CHN1: variants seen among roughly 807,000 people sequenced by gnomAD.
CHN1 encodes the protein chimerin 1.
In CHN1, 37 loss-of-function variants were observed where a neutral mutation model predicts 59.5. The observed-to-expected ratio is 0.62, with a 90% CI of 0.48 to 0.82. The LOEUF (loss-of-function observed/expected upper bound fraction) is 0.82. Among genes scored for constraint, CHN1 ranks in the 40% least tolerant of loss-of-function variants. The pLI, the probability that CHN1 is intolerant of heterozygous loss-of-function variation, is 0.00. For missense variants in CHN1, 469 were observed against 571.0 expected (o/e 0.82, Z 1.82); for synonymous variants, 206 against 200.4 (o/e 1.03, Z -0.24).
intron 1 of CHN1, among the ~76,000 whole-genome samples, chr2:174,961,264 G>T (rs1690398076): frequency 6.6e-6 from 1 of 151,642 alleles, no homozygotes; most frequent in East Asian, 2.0e-4. Context: ...GCAGAAACTT[G>T]AATCATATTT....
At chr2:174,881,530 A>C (rs921601866) in intron 5 of CHN1, among the ~76,000 whole-genome samples, 2 of 152,184 alleles carry the variant, frequency 1.3e-5, no homozygotes, top group African/African-American at 4.8e-5. Flanking sequence ...GTCAAAGCTA[A>C]ATATATATAG....
Position 174,898,590 on chromosome 2 carries a change from C to A in CHN1, c.260+16468G>T, listed in dbSNP as rs568921743. On this transcript the variant is annotated intron_variant, in intron 5 of 12. Transcript: ENST00000409900. ...CTGCACTCCAGCCTGGGCGACAGAG[C>A]GAGACTCCGTCTCAAAAAAACAAAG... is the stretch of plus-strand genomic sequence containing the variant. Among the ~76,000 whole-genome samples the A allele has an allele frequency of 6.6e-5, 10 of 152,198 alleles. No individual in the cohort carries two copies. In the South Asian group the frequency reaches 1.9e-3, roughly 28 times the overall value.
intron 6 of CHN1, among the ~76,000 whole-genome samples, chr2:174,866,447 G>GA (rs1687217948): frequency 6.6e-6 from 1 of 151,914 alleles, no homozygotes; most frequent in African/African-American, 2.4e-5. Flanking sequence ...ATAAAACACA[G>GA]AAAAAACCCA....
chr2:174,997,912 GGGA>G (rs571102364), intron 1 of CHN1, among the ~76,000 whole-genome samples: 184 of 150,702 alleles, frequency 1.2e-3, no homozygotes, highest in Non-Finnish European at 1.8e-3. Context: ...GCTCAAATCC[GGGA>G]GGCAGAGGTT....
At chr2:174,862,161 C>A (rs962358578) in intron 6 of CHN1, among the ~76,000 whole-genome samples, 17 of 152,028 alleles carry the variant, frequency 1.1e-4, no homozygotes, top group African/African-American at 3.9e-4. Flanking sequence ...CCTAAAATAT[C>A]TCCTCCTGCA....
chr2:174,893,233 C>A (rs959078947), intron 5 of CHN1, among the ~76,000 whole-genome samples: 2 of 152,120 alleles, frequency 1.3e-5, no homozygotes, highest in Non-Finnish European at 2.9e-5. Flanking sequence ...AAAGACTCCA[C>A]AAGAAAACTA....
rs368460662 is a variant in CHN1, at chr2:174,819,973, G to A, written c.712+4461C>T. On this transcript the variant is annotated intron_variant, in intron 8 of 12. Transcript: ENST00000409900. ...AATGATGATTTCCAATTTCATCCAT[G>A]TCCCTACAAAGGACATGAACTCATT... Among the ~76,000 whole-genome samples, 281 of 151,696 alleles carry A rather than the reference G, an allele frequency of 1.9e-3. 10 individuals carry two copies. In the East Asian group the frequency reaches 0.049, roughly 27 times the overall value.
intron 7 of CHN1, among the ~76,000 whole-genome samples, chr2:174,827,791 C>T (rs1028561925): frequency 6.6e-6 from 1 of 152,058 alleles, no homozygotes; most frequent in Non-Finnish European, 1.5e-5. Flanking sequence ...GAAACAGAGG[C>T]AACGGAGAGG....
intron 6 of CHN1, among the ~76,000 whole-genome samples, chr2:174,856,651 G>C (rs1012409139): frequency 6.6e-6 from 1 of 152,172 alleles, no homozygotes; most frequent in Non-Finnish European, 1.5e-5. Context: ...GGGGTGGAAT[G>C]GCACACAGCC....
At position 175,005,254 on chromosome 2, in the gene CHN1, GCGC is replaced by G. The variant is rs1692030603; in HGVS notation, c.-345_-343del. 2.5e-6 allele frequency: 3 copies of G among 1,176,948 alleles called. No homozygotes were observed. The highest frequency in any genetic ancestry group is 3.5e-4 in the Middle Eastern group (1 of 2,832). 72.9% of individuals were successfully genotyped at this position (1,176,948 alleles called of 1,614,324 possible). Reference sequence around the variant, plus strand: ...CGGCGCAGTGGCTGGCGGAGAGGCGGCGCCGCACTGGCGGCGGCGGCGGCGGCG... The same window carrying G: ...CGGCGCAGTGGCTGGCGGAGAGGCGGCGCACTGGCGGCGGCGGCGGCGGCG... On this transcript the variant is annotated 5_prime_UTR_variant, in exon 1 of 13. Coordinates refer to ENST00000409900, the MANE Select transcript of CHN1 (RefSeq NM_001822.7).
chr2:174,957,375 A>G (rs953559658), intron 1 of CHN1, among the ~76,000 whole-genome samples: 1 of 142,474 alleles, frequency 7.0e-6, no homozygotes, highest in Non-Finnish European at 1.5e-5. Context: ...GGCAGGTCAT[A>G]TGACTCAAAT....
chr2:174,880,288 T>A (rs1362771915), intron 5 of CHN1, among the ~76,000 whole-genome samples: 2 of 152,236 alleles, frequency 1.3e-5, no homozygotes, highest in Admixed American at 6.5e-5. Context: ...TTATGATTGA[T>A]CTTTTTAAAG....
intron 7 of CHN1, among the ~76,000 whole-genome samples, chr2:174,827,481 C>T (rs968670284): frequency 1.3e-5 from 2 of 152,170 alleles, no homozygotes; most frequent in African/African-American, 4.8e-5. Context: ...CAAGGAAGTT[C>T]AGTCTGGGTG....
chr2:174,842,247 G>A (rs935017013), intron 7 of CHN1, among the ~76,000 whole-genome samples: 3 of 152,190 alleles, frequency 2.0e-5, no homozygotes, highest in Non-Finnish European at 4.4e-5. Context: ...AGGCAAGGTG[G>A]TGGTGTGAGG....
chr2:174,991,616 A>T (rs1457974880), intron 1 of CHN1, among the ~76,000 whole-genome samples: 1 of 152,256 alleles, frequency 6.6e-6, no homozygotes, highest in Non-Finnish European at 1.5e-5. Context: ...GACATGAAAC[A>T]ATACTGCAGG....
At chr2:174,870,626 G>C (rs1687378359) in intron 6 of CHN1, among the ~76,000 whole-genome samples, 2 of 152,166 alleles carry the variant, frequency 1.3e-5, no homozygotes, top group African/African-American at 4.8e-5. Context: ...TGAGCAACAT[G>C]GCCAAGACCA....
intron 4 of CHN1, 119 bp downstream of exon 4, chr2:174,918,415 A>G: frequency 1.5e-6 from 1 of 673,366 alleles, no homozygotes; most frequent in Non-Finnish European, 2.3e-6. Flanking sequence ...TTTTTAAGAA[A>G]TAAATGCAAC....
intron 8 of CHN1, 64 bp downstream of exon 8, chr2:174,824,370 C>G: frequency 9.6e-6 from 12 of 1,253,644 alleles, no homozygotes; most frequent in Non-Finnish European, 1.2e-5. Flanking sequence ...AACAAGTCTC[C>G]TTCTACCTCA....
rs1331006988 is a variant in CHN1 at position 174,952,217 on chromosome 2, A to T, written c.20-15T>A. Reference sequence around the variant, plus strand: ...TTCATCTGTATCTGAAAGAAAAAACATCAAATTAACATTACTGAATATTTA... The same window carrying T: ...TTCATCTGTATCTGAAAGAAAAAACTTCAAATTAACATTACTGAATATTTA... On this transcript the variant is annotated splice_polypyrimidine_tract_variant and intron_variant, in intron 1 of 12. Coordinates refer to ENST00000409900, the MANE Select transcript of CHN1 (RefSeq NM_001822.7). 8 of 1,375,394 alleles carry T rather than the reference A, an allele frequency of 5.8e-6. No individual in the cohort carries two copies. Among genetic ancestry groups the T allele is most frequent in the Non-Finnish European group, 7.8e-6 (8 of 1,030,178 alleles). The allele number at this position is 1,375,394 out of a possible 1,614,324, so 85.2% of individuals were successfully genotyped here. A position where few individuals can be genotyped will look rare whatever the true frequency, so the allele number is the denominator to read the frequency against.
Sources: gnomAD v4.1 joint callset for allele counts (sites outside exome capture counted in the v4.1 genomes callset) on GRCh38, gnomAD v4.1.1 for gene constraint, MANE v1.5 for transcripts, NCBI Gene and HGNC (gene_info 2026-07-23, HGNC 2026-07-21) for gene names.